TAFA2: variants seen among roughly 807,000 people sequenced by gnomAD.
TAFA2 encodes the protein chemokine-like protein TAFA-2.
Under a neutral mutation model 18.8 loss-of-function variants are expected in TAFA2, and 7 were observed. That is an observed-to-expected ratio of 0.37 (90% CI 0.21 to 0.70). The LOEUF (loss-of-function observed/expected upper bound fraction) is 0.70, where lower values mean the gene tolerates loss of function less well. TAFA2 is among the 30% of genes least tolerant of loss of function. The pLI, the probability that TAFA2 is intolerant of heterozygous loss-of-function variation, is 0.53. For missense variants in TAFA2, 122 were observed against 158.1 expected (o/e 0.77, Z 1.23); for synonymous variants, 60 against 54.2 (o/e 1.11, Z -0.47).
At chr12:62,094,582 TA>T (rs1286826275) in intron 1 of TAFA2, among the ~76,000 whole-genome samples, 1 of 152,088 alleles carries the variant, frequency 6.6e-6, no homozygotes, top group Non-Finnish European at 1.5e-5. Context: ...ATATAAACCT[TA>T]ATATCATTCC....
intron 1 of TAFA2, among the ~76,000 whole-genome samples, chr12:62,085,645 A>G (rs1868419938): frequency 6.6e-6 from 1 of 152,188 alleles, no homozygotes; most frequent in Admixed American, 6.5e-5. Flanking sequence ...GGCATGATCC[A>G]TGATCTCATT....
In TAFA2 at chr12:61,954,238, T is replaced by C. The variant is rs549386297; in HGVS notation, c.-1-86812A>G. 2.6e-4 allele frequency among the ~76,000 whole-genome samples: 39 copies of C among 152,298 alleles called. 1 individual carries two copies. The South Asian group carries it at 7.5e-3, about 29-fold the overall frequency. ...GAACATGTAGTATTTGACTTGGATT[T>C]ATATAGAAATAAAGTTCTAGAAACA... On this transcript the variant is annotated intron_variant, in intron 1 of 4. Transcript: ENST00000416284.
chr12:61,962,387 C>T (rs1361536649), intron 1 of TAFA2, among the ~76,000 whole-genome samples: 2 of 152,006 alleles, frequency 1.3e-5, no homozygotes, highest in South Asian at 2.1e-4. Context: ...AACTAAATAA[C>T]CAACCTTATA....
chr12:61,873,261 TA>T (rs1172108919), intron 1 of TAFA2, among the ~76,000 whole-genome samples: 5 of 151,158 alleles, frequency 3.3e-5, no homozygotes, highest in Non-Finnish European at 7.4e-5. Context: ...AAGACTAGAT[TA>T]CTCTTTTTTT....
At chr12:62,085,109 C>T (rs909813691) in intron 1 of TAFA2, among the ~76,000 whole-genome samples, 1 of 152,122 alleles carries the variant, frequency 6.6e-6, no homozygotes, top group African/African-American at 2.4e-5. Context: ...GCATCCCAGA[C>T]ATCCAGCAAT....
chr12:61,897,467 G>A (rs1231182347), intron 1 of TAFA2, among the ~76,000 whole-genome samples: 1 of 152,138 alleles, frequency 6.6e-6, no homozygotes, highest in Non-Finnish European at 1.5e-5. Context: ...AGTGCAGCAT[G>A]GCTTGGGAAG....
chr12:62,205,212 T>A (rs1188506090), intron 1 of TAFA2, among the ~76,000 whole-genome samples: 6 of 152,226 alleles, frequency 3.9e-5, no homozygotes, highest in Admixed American at 6.5e-5. Flanking sequence ...CCTCTGGAAG[T>A]TCTGTCCCAG....
chr12:62,248,251 T>G (rs1401120574), intron 1 of TAFA2, among the ~76,000 whole-genome samples: 2 of 152,206 alleles, frequency 1.3e-5, no homozygotes, highest in African/African-American at 4.8e-5. Context: ...GGCCCTTAGT[T>G]TGAGCCACTC....
chr12:61,827,434 G>T (rs767943567), intron 2 of TAFA2, among the ~76,000 whole-genome samples: 7 of 151,996 alleles, frequency 4.6e-5, no homozygotes, highest in Non-Finnish European at 8.8e-5. Flanking sequence ...CTTGTTCCTA[G>T]ATATCATTTT....
At chr12:61,795,608 G>A (rs1323116411) in intron 2 of TAFA2, among the ~76,000 whole-genome samples, 8 of 151,878 alleles carry the variant, frequency 5.3e-5, no homozygotes, top group Non-Finnish European at 1.2e-4. Context: ...CATAGCATTG[G>A]GAGATATACC....
At chr12:61,818,490 T>TATACAC (rs1555167833) in intron 2 of TAFA2, among the ~76,000 whole-genome samples, 1 of 140,708 alleles carries the variant, frequency 7.1e-6, no homozygotes, top group Non-Finnish European at 1.6e-5. Flanking sequence ...CTCAAAAAAA[T>TATACAC]ACACACACAC....
intron 1 of TAFA2, among the ~76,000 whole-genome samples, chr12:61,874,906 G>A (rs1345615508): frequency 3.3e-5 from 5 of 149,780 alleles, no homozygotes; most frequent in East Asian, 2.0e-4. Flanking sequence ...TTTTTTTTTC[G>A]AACAGGAATG....
At chr12:61,811,113 A>G (rs962960869) in intron 2 of TAFA2, among the ~76,000 whole-genome samples, 14 of 151,498 alleles carry the variant, frequency 9.2e-5, no homozygotes, top group African/African-American at 2.9e-4. Flanking sequence ...CGTTCCTTAA[A>G]AAGGGAAGTT....
At chr12:62,107,391 C>T (rs1298379736) in intron 1 of TAFA2, among the ~76,000 whole-genome samples, 6 of 152,100 alleles carry the variant, frequency 3.9e-5, no homozygotes, top group Non-Finnish European at 5.9e-5. Context: ...TTGGCTTCTA[C>T]TCTATTTTTC....
intron 4 of TAFA2, among the ~76,000 whole-genome samples, chr12:61,725,611 T>C (rs889525124): frequency 6.6e-6 from 1 of 152,132 alleles, no homozygotes; most frequent in African/African-American, 2.4e-5. Flanking sequence ...TTGCTTCATT[T>C]CTGGGTTCTG....
intron 1 of TAFA2, among the ~76,000 whole-genome samples, chr12:62,186,010 C>T (rs1030661889): frequency 8.5e-5 from 13 of 152,134 alleles, no homozygotes; most frequent in African/African-American, 1.2e-4. Flanking sequence ...TAGCCCAGGA[C>T]ATTCTGGTTT....
intron 1 of TAFA2, among the ~76,000 whole-genome samples, chr12:61,923,608 A>G (rs937147829): frequency 6.6e-6 from 1 of 152,156 alleles, no homozygotes; most frequent in South Asian, 2.1e-4. Context: ...GACCAAAGGT[A>G]GATAAATCTA....
intron 1 of TAFA2, among the ~76,000 whole-genome samples, chr12:62,204,995 T>C (rs1454388327): frequency 6.6e-6 from 1 of 152,214 alleles, no homozygotes; most frequent in African/African-American, 2.4e-5. Context: ...CTGCTCACCT[T>C]TGGATGGGTT....
chr12:61,713,764 T>A (rs1182897759), intron 4 of TAFA2, among the ~76,000 whole-genome samples: 2 of 152,174 alleles, frequency 1.3e-5, no homozygotes, highest in Non-Finnish European at 2.9e-5. Flanking sequence ...TTATTTTAAA[T>A]AAATATGAGT....
Sources: gnomAD v4.1 joint callset for allele counts (sites outside exome capture counted in the v4.1 genomes callset) on GRCh38, gnomAD v4.1.1 for gene constraint, MANE v1.5 for transcripts, NCBI Gene and HGNC (gene_info 2026-07-23, HGNC 2026-07-21) for gene names.